The following NSD3 variants were observed in gnomAD, a reference collection of about 807,000 sequenced individuals.
The protein encoded by NSD3 is histone-lysine N-methyltransferase NSD3.
A neutral mutation model predicts 160.8 loss-of-function variants in NSD3; 24 were observed. The observed-to-expected ratio is 0.15, with a 90% CI of 0.11 to 0.21. The LOEUF (loss-of-function observed/expected upper bound fraction) is 0.21. Ranked by LOEUF, NSD3 falls within the 10% of genes least tolerant of loss-of-function variation. The pLI is 1.00. For missense variants in NSD3, 1,157 were observed against 1,735.9 expected, an observed-to-expected ratio of 0.67 and a Z score of 5.93; for synonymous variants, 520 against 600.0, an observed-to-expected ratio of 0.87 and a Z score of 1.95.
chr8:38,346,304 AT>A (rs1363266170), intron 2 of NSD3, among the ~76,000 whole-genome samples: 2 of 147,692 alleles, frequency 1.4e-5, no homozygotes, highest in Non-Finnish European at 3.0e-5. Context: ...TATAGTATAT[AT>A]AGTATATGTA....
At chr8:38,363,265 C>T (rs539546030) in intron 1 of NSD3, among the ~76,000 whole-genome samples, 1 of 152,152 alleles carries the variant, frequency 6.6e-6, no homozygotes, top group Admixed American at 6.5e-5. Flanking sequence ...TCAGGTGGAC[C>T]CAACATAATC....
Position 38,329,301 on chromosome 8 carries a change from G to A in NSD3, c.1581+77C>T. On this transcript the variant is annotated intron_variant, in intron 6 of 23. Coordinates refer to ENST00000317025, the MANE Select transcript of NSD3 (RefSeq NM_023034.2). This position sits in a 1 kb window ranked among gnomAD's most constrained non-coding sequence, Gnocchi z 4.8. ...AGAAAGGGTATTTAAATTATGCCAA[G>A]GTCATTGTTTTAAATGCCAAGGTTG... 1.3e-6 allele frequency: 2 copies of A among 1,485,958 alleles called. No individual in the cohort carries two copies. The highest frequency in any genetic ancestry group is 1.8e-6 in the Non-Finnish European group (2 of 1,099,404). 92.0% of individuals were successfully genotyped at this position (1,485,958 alleles called of 1,614,324 possible).
chr8:38,294,697 GCC>G (rs1196462573), intron 16 of NSD3, among the ~76,000 whole-genome samples: 3 of 152,014 alleles, frequency 2.0e-5, no homozygotes, highest in Admixed American at 2.0e-4. Flanking sequence ...ATCATCTCTG[GCC>G]AAGTGTGGTG....
chr8:38,284,461 C>T (rs1390888739), intron 19 of NSD3, among the ~76,000 whole-genome samples: 1 of 152,086 alleles, frequency 6.6e-6, no homozygotes, highest in Non-Finnish European at 1.5e-5. Flanking sequence ...TGATCTTGGC[C>T]CACTGCAACC....
In NSD3 at chr8:38,289,440, C is replaced by G. The variant is rs1389385638; in HGVS notation, c.3184G>C (p.Glu1062Gln). ...KAQRESKEAL[E>Q]IEKNSRKPPP... ...GGTTTTCTTGAGTTTTTTTCAATCT[C>G]TAGGGCTTCTTTACTTTCTCTTTGT... Residue 1062 changes from glutamate to glutamine, a missense_variant, in exon 18 of 24, where the codon GAG (glutamate) becomes CAG (glutamine). Coordinates refer to ENST00000317025, the MANE Select transcript of NSD3 (RefSeq NM_023034.2). 3.1e-6 allele frequency: 5 copies of G among 1,613,656 alleles called. No homozygotes were observed. Among genetic ancestry groups the G allele is most frequent in the Non-Finnish European group, 4.2e-6 (5 of 1,179,922 alleles).
At chr8:38,377,506 C>G (rs902996759) in intron 1 of NSD3, among the ~76,000 whole-genome samples, 1 of 152,162 alleles carries the variant, frequency 6.6e-6, no homozygotes, top group Admixed American at 6.5e-5. Flanking sequence ...CGCCACCACA[C>G]CTGGCTAATT....
At chr8:38,361,538 G>A (rs1384953663) in intron 1 of NSD3, among the ~76,000 whole-genome samples, 4 of 150,586 alleles carry the variant, frequency 2.7e-5, no homozygotes, top group Admixed American at 2.0e-4. Context: ...GGCGGATCAC[G>A]AGGTCAGGAG....
Position 38,276,376 on chromosome 8 carries a change from C to G in NSD3, c.3992G>C (p.Gly1331Ala), listed in dbSNP as rs759586181. The change falls in exon 23 of 24, where the codon GGA becomes GCA. Residue 1331 changes from glycine to alanine, a missense_variant. Around this residue, in one of 10 missense-constraint regions of NSD3, gnomAD observed 222 missense variants for 409.9 expected, o/e 0.54. Transcript: ENST00000317025. ...TTTTTTGTCACACATGACCAGCTCT[C>G]CACCATCTCCACATTGAAAACAGTA... The part of the protein sequence containing the change: ...EDYCFQCGDG[G>A]ELVMCDKKDC... 6.2e-7 allele frequency: 1 copy of G among 1,614,202 alleles called. No individual in the cohort carries two copies.
chr8:38,350,533 GT>G (rs1010989420), intron 1 of NSD3, among the ~76,000 whole-genome samples: 2 of 152,038 alleles, frequency 1.3e-5, no homozygotes, highest in African/African-American at 4.8e-5. Flanking sequence ...TGATGGGGTT[GT>G]TTTTTTCTTG....
chr8:38,331,092 A>G (rs935834787), intron 5 of NSD3, among the ~76,000 whole-genome samples: 18 of 152,376 alleles, frequency 1.2e-4, no homozygotes, highest in Non-Finnish European at 2.5e-4. Context: ...GAAATTATGG[A>G]AACATGCTGA....
At chr8:38,299,733 T>C (rs763151054) in intron 14 of NSD3, 143 bp from the exon 15 acceptor site, 5 of 771,214 alleles carry the variant, frequency 6.5e-6, no homozygotes, top group Non-Finnish European at 9.1e-6. Context: ...AAAAGAAAGA[T>C]CTGACAGAAA....
rs767672473 is a variant in NSD3, at chr8:38,329,717, G to A, written c.1242C>T (p.Thr414=). 3.1e-6 allele frequency: 5 copies of A among 1,613,968 alleles called. No homozygotes were observed. In the Admixed American group the frequency reaches 5.0e-5, roughly 16 times the overall value. ...TTGGTCGTCGGGTTTTTTTAACTTC[G>A]GTTTTGGAGGCAACACTCTTTTTTG... ...SQAKKSVASK[T]EVKKTRRPRS... Residue 414 remains threonine (T), a synonymous_variant, in exon 6 of 24, where the codon ACC becomes ACT. Coordinates refer to ENST00000317025, the MANE Select transcript of NSD3 (RefSeq NM_023034.2). This position sits in a 1 kb window ranked among gnomAD's most constrained non-coding sequence, Gnocchi z 4.8.
At chr8:38,362,876 TAA>T (rs1403979182) in intron 1 of NSD3, among the ~76,000 whole-genome samples, 2 of 152,156 alleles carry the variant, frequency 1.3e-5, no homozygotes, top group Non-Finnish European at 1.5e-5. Context: ...TCTGAAACTC[TAA>T]AAAAAGACTT....
At chr8:38,357,543 T>C (rs1323143928) in intron 1 of NSD3, among the ~76,000 whole-genome samples, 1 of 152,176 alleles carries the variant, frequency 6.6e-6, no homozygotes, top group Non-Finnish European at 1.5e-5. Flanking sequence ...TGCTTGACTC[T>C]TAACCATCTT....
intron 22 of NSD3, chr8:38,276,778 G>A (rs1373424524): frequency 7.2e-6 from 3 of 416,744 alleles, no homozygotes; most frequent in African/African-American, 6.1e-5. Context: ...TCGACCTCCT[G>A]GGCTCAAGCA....
At position 38,281,292 on chromosome 8, in the gene NSD3, A is replaced by ATTTTT. The variant is rs1440218580; in HGVS notation, c.3618+170_3618+174dup. 2.6e-5 allele frequency among the ~76,000 whole-genome samples: 4 copies of ATTTTT among 152,090 alleles called. No homozygotes were observed. In the East Asian group the frequency reaches 7.7e-4, roughly 29 times the overall value. ...GACGTGCAAAGCTTCAGTATCATTC[A>ATTTTT]TTTTTTTACTCTGGTATAATTGGCA... On this transcript the variant is annotated intron_variant, in intron 20 of 23. Coordinates refer to ENST00000317025, the MANE Select transcript of NSD3 (RefSeq NM_023034.2).
intron 1 of NSD3, among the ~76,000 whole-genome samples, chr8:38,377,664 G>C (rs1811427802): frequency 6.6e-6 from 1 of 151,954 alleles, no homozygotes; most frequent in African/African-American, 2.4e-5. Flanking sequence ...TGGATTCATA[G>C]GTACTAATTT....
intron 7 of NSD3, among the ~76,000 whole-genome samples, chr8:38,323,600 T>C (rs1026798285): frequency 2.6e-5 from 4 of 151,942 alleles, no homozygotes; most frequent in Non-Finnish European, 4.4e-5. Flanking sequence ...GGAGGATCGT[T>C]TGAGCCCAGG....
At chr8:38,377,497 G>A (rs1811423772) in intron 1 of NSD3, among the ~76,000 whole-genome samples, 1 of 151,708 alleles carries the variant, frequency 6.6e-6, no homozygotes, top group Admixed American at 6.6e-5. Context: ...TACAGGCGCC[G>A]CCACCACACC....
Sources: gnomAD v4.1 joint callset for allele counts (sites outside exome capture counted in the v4.1 genomes callset) on GRCh38, gnomAD v4.1.1 for gene constraint, gnomAD v4.1.1 regional missense constraint, Gnocchi (gnomAD v3.1) non-coding constraint, MANE v1.5 for transcripts, NCBI Gene and HGNC (gene_info 2026-07-23, HGNC 2026-07-21) for gene names.